Variants in ZNF75D observed in about 807,000 individuals in gnomAD.
ZNF75D encodes zinc finger protein 75.
Under a neutral mutation model 33.3 loss-of-function variants are expected in ZNF75D, and 33 were observed. The ratio of observed to expected loss-of-function variants is 0.99; its 90% CI spans 0.75 to 1.32. ZNF75D has a LOEUF of 1.32. Ranked by LOEUF, ZNF75D falls within the 40% of genes most tolerant of loss-of-function variation. The probability of loss-of-function intolerance (pLI) is 0.00; values close to 1 mark genes in which losing one functional copy is unlikely to be tolerated. For synonymous variants in ZNF75D, 113 were observed against 130.6 expected (o/e 0.87, Z 0.92); for missense variants, 338 against 367.5 (o/e 0.92, Z 0.66).
intron 1 of ZNF75D, among the ~76,000 whole-genome samples, chrX:135,327,134 C>T (rs2148491637): frequency 8.9e-6 from 1 of 112,620 alleles, no homozygotes; most frequent in South Asian, 3.7e-4. Context: ...TCTCTTGAGC[C>T]TGTGTTCTCA....
chrX:135,340,478 C>A (rs976965658), intron 1 of ZNF75D, among the ~76,000 whole-genome samples: 5 of 112,185 alleles, frequency 4.5e-5, no homozygotes, highest in Non-Finnish European at 7.5e-5. Context: ...AATGTTGATG[C>A]CAGTGCCCCT....
At chrX:135,301,273 C>G (rs1437912875) in intron 1 of ZNF75D, among the ~76,000 whole-genome samples, 1 of 111,455 alleles carries the variant, frequency 9.0e-6, no homozygotes, top group African/African-American at 3.3e-5. Flanking sequence ...GTCCCTCCCT[C>G]GACATGTGGG....
intron 1 of ZNF75D, among the ~76,000 whole-genome samples, chrX:135,265,219 CA>C (rs559739170): frequency 0.013 from 607 of 48,548 alleles, 4 homozygotes; most frequent in African/African-American, 0.033. Flanking sequence ...AACTCTGTCT[CA>C]AAAAAAAAAA....
At chrX:135,333,170 T>A (rs2084671394) in intron 1 of ZNF75D, among the ~76,000 whole-genome samples, 1 of 111,662 alleles carries the variant, frequency 9.0e-6, no homozygotes, top group Admixed American at 9.4e-5. Context: ...TTAAGTGATC[T>A]TAGAGGAGGT....
At chrX:135,328,217 T>C (rs1556438746) in intron 1 of ZNF75D, among the ~76,000 whole-genome samples, 1 of 111,069 alleles carries the variant, frequency 9.0e-6, no homozygotes, top group Non-Finnish European at 1.9e-5. Context: ...AGGGAGGAAA[T>C]TGAGGTACAA....
At chrX:135,261,847 C>T (rs998362235) in intron 1 of ZNF75D, among the ~76,000 whole-genome samples, 4 of 111,292 alleles carry the variant, frequency 3.6e-5, no homozygotes, top group Admixed American at 9.6e-5. Context: ...CTATGATGTT[C>T]GCTGGTTATT....
chrX:135,316,629 A>G (rs2084423781), intron 1 of ZNF75D, among the ~76,000 whole-genome samples: 1 of 111,433 alleles, frequency 9.0e-6, no homozygotes, highest in Non-Finnish European at 1.9e-5. Flanking sequence ...GGACACCAAT[A>G]ATTTGTATAT....
Position 135,291,737 on chromosome X carries a change from C to T in ZNF75D, c.605-174G>A. On this transcript the variant is annotated intron_variant, in intron 4 of 6. Coordinates refer to ENST00000370766, the MANE Select transcript of ZNF75D (RefSeq NM_007131.5). ...ATTGTAAATAAGAACCAAATATCTA[C>T]CACTCATACAACCAGTTCCCCAGTT... 5.5e-6 allele frequency: 3 copies of T among 545,386 alleles called. No homozygotes were observed. In the South Asian group the frequency reaches 1.2e-4, roughly 21 times the overall value. The allele number at this position is 545,386 out of a possible 1,213,427, so 44.9% of individuals were successfully genotyped here.
intron 1 of ZNF75D, chrX:135,327,665 G>A (rs2084599059): frequency 8.9e-6 from 1 of 111,871 alleles, no homozygotes; most frequent in South Asian, 3.8e-4. Context: ...TGCAAAATCT[G>A]TTAACAGGCC....
chrX:135,286,394 A>G lies in ZNF75D; in HGVS notation c.*743T>C, dbSNP rs2083952427. The G allele has an allele frequency of 1.8e-5, 2 of 112,183 alleles. No individual in the cohort carries two copies. Among genetic ancestry groups the G allele is most frequent in the Admixed American group, 1.9e-4 (2 of 10,591 alleles). The allele number at this position is 112,183 out of a possible 1,213,427, so 9.2% of individuals were successfully genotyped here. ...CAAAAAAAAACCAGATACCTGGATGAGGGCCAAGACTGCCTCCCTCATCAT... is the reference window on the plus strand; with the variant it reads ...CAAAAAAAAACCAGATACCTGGATGGGGGCCAAGACTGCCTCCCTCATCAT... On this transcript the variant is annotated 3_prime_UTR_variant, in exon 7 of 7. Coordinates refer to ENST00000370766, the MANE Select transcript of ZNF75D (RefSeq NM_007131.5).
At chrX:135,262,492 C>G (rs183689206) in intron 1 of ZNF75D, among the ~76,000 whole-genome samples, 7 of 112,075 alleles carry the variant, frequency 6.2e-5, no homozygotes, top group Non-Finnish European at 9.4e-5. Context: ...TTGTTTGTTT[C>G]TTTTTACTTT....
rs373566186 is a variant in ZNF75D at position 135,340,606 on chromosome X, A to T, written c.-391+1162T>A. 2.8e-3 allele frequency among the ~76,000 whole-genome samples: 312 copies of T among 112,151 alleles called. 1 individual carries two copies. Among genetic ancestry groups the T allele is most frequent in the African/African-American group, 9.7e-3 (300 of 30,869 alleles). On this transcript the variant is annotated intron_variant, in intron 1 of 6. Transcript: ENST00000370766. ...GGAATCCAAATCTTAGAGCAGGCAC[A>T]GTGTCCGGGGACTCTGTGAGTGTGT...
intron 1 of ZNF75D, among the ~76,000 whole-genome samples, chrX:135,315,305 T>G (rs2084406227): frequency 8.9e-6 from 1 of 112,455 alleles, no homozygotes; most frequent in African/African-American, 3.2e-5. Flanking sequence ...GAGAAGTTAC[T>G]TGGTATGATT....
chrX:135,304,991 G>T (rs1218133353), intron 1 of ZNF75D, among the ~76,000 whole-genome samples: 5 of 112,511 alleles, frequency 4.4e-5, no homozygotes, highest in African/African-American at 9.7e-5. Context: ...CCAACTGGAG[G>T]TGACAGAGAT....
At chrX:135,327,919 T>TA (rs1181649819) in intron 1 of ZNF75D, 1 of 112,113 alleles carries the variant, frequency 8.9e-6, no homozygotes, top group Non-Finnish European at 1.9e-5. Context: ...ACAATTCATG[T>TA]AAATGGGGTG....
chrX:135,288,718 G>T (rs1416793138), intron 6 of ZNF75D, among the ~76,000 whole-genome samples: 1 of 111,833 alleles, frequency 8.9e-6, no homozygotes, highest in Non-Finnish European at 1.9e-5. Flanking sequence ...CTTTATATTT[G>T]CAAAATAATT....
At chrX:135,338,698 C>T (rs2084746539) in intron 1 of ZNF75D, among the ~76,000 whole-genome samples, 1 of 111,900 alleles carries the variant, frequency 8.9e-6, no homozygotes, top group Non-Finnish European at 1.9e-5. Context: ...AAGAAACTAC[C>T]AAACCTTGCC....
intron 6 of ZNF75D, among the ~76,000 whole-genome samples, chrX:135,290,443 G>C (rs1192367188): frequency 8.9e-6 from 1 of 112,080 alleles, no homozygotes; most frequent in Non-Finnish European, 1.9e-5. Flanking sequence ...GACCTGCATA[G>C]GATCACTTGA....
Position 135,286,985 on chromosome X carries a change from T to C in ZNF75D, c.*152A>G. 2.1e-6 allele frequency: 1 copy of C among 473,905 alleles called. No individual in the cohort carries two copies. The highest frequency in any genetic ancestry group is 3.6e-5 in the East Asian group (1 of 28,136). The allele number at this position is 473,905 out of a possible 1,213,427, so 39.1% of individuals were successfully genotyped here. On this transcript the variant is annotated 3_prime_UTR_variant, in exon 7 of 7. Transcript: ENST00000370766. ...GTGCTAGGCACAGAAGATGCAATGC[T>C]GAATAAAACAGACAGCTTAGATTCC...
Sources: allele counts gnomAD v4.1 joint callset (sites outside exome capture counted in the v4.1 genomes callset), GRCh38; gene constraint gnomAD v4.1.1; transcripts MANE v1.5; gene names NCBI Gene and HGNC (gene_info 2026-07-23, HGNC 2026-07-21).